Variants in HYCC2 observed in about 807,000 individuals in gnomAD.
HYCC2 encodes the protein hyccin PI4KA lipid kinase complex subunit 2.
chr2:201,018,317 A>G, the HYCC2 span, among the ~76,000 whole-genome samples: 1 of 152,172 alleles, frequency 6.6e-6, no homozygotes, highest in African/African-American at 2.4e-5. Flanking sequence ...TTGACAAGAA[A>G]CTATAAAGTA....
chr2:201,009,768 T>C, the HYCC2 span, among the ~76,000 whole-genome samples: 1 of 151,694 alleles, frequency 6.6e-6, no homozygotes, highest in South Asian at 2.1e-4. Context: ...CCCAAATGTC[T>C]CTTTAATACT....
At chr2:200,985,461 G>C in the HYCC2 span, among the ~76,000 whole-genome samples, 6 of 152,166 alleles carry the variant, frequency 3.9e-5, no homozygotes, top group Admixed American at 3.9e-4. Context: ...AGGAGTTTGA[G>C]ACCAGCCTAG....
At chr2:200,986,654 C>T in the HYCC2 span, among the ~76,000 whole-genome samples, 1 of 152,112 alleles carries the variant, frequency 6.6e-6, no homozygotes, top group African/African-American at 2.4e-5. Flanking sequence ...GATATCTGAC[C>T]TCTAAATAGA....
the HYCC2 span, among the ~76,000 whole-genome samples, chr2:201,030,102 A>G: frequency 6.6e-6 from 1 of 151,986 alleles, no homozygotes; most frequent in Non-Finnish European, 1.5e-5. Context: ...CAAAAACAAA[A>G]AGTCCGGAAA....
chr2:200,997,419 A>C, the HYCC2 span: 1 of 1,412,086 alleles, frequency 7.1e-7, no homozygotes, highest in African/African-American at 1.4e-5. Flanking sequence ...ATAAATATGA[A>C]GATTAGTAAT....
chr2:201,000,529 C>G, the HYCC2 span, among the ~76,000 whole-genome samples: 1 of 152,278 alleles, frequency 6.6e-6, no homozygotes, highest in African/African-American at 2.4e-5. Context: ...CCATATCACT[C>G]TTTATACCCA....
At chr2:200,985,225 C>T in the HYCC2 span, among the ~76,000 whole-genome samples, 1 of 152,168 alleles carries the variant, frequency 6.6e-6, no homozygotes, top group South Asian at 2.1e-4. Flanking sequence ...GAGGAGACAT[C>T]TGAAATGGAA....
the HYCC2 span, among the ~76,000 whole-genome samples, chr2:201,019,475 A>G: frequency 6.6e-6 from 1 of 152,178 alleles, no homozygotes; most frequent in African/African-American, 2.4e-5. Flanking sequence ...CTCGCTGGTC[A>G]GGTGTGGTAG....
the HYCC2 span, among the ~76,000 whole-genome samples, chr2:201,000,131 G>A: frequency 1.3e-5 from 2 of 151,518 alleles, no homozygotes; most frequent in South Asian, 4.2e-4. Flanking sequence ...CAGCACTTTG[G>A]GAGGCTGAGG....
the HYCC2 span, among the ~76,000 whole-genome samples, chr2:201,053,968 A>G: frequency 6.6e-6 from 1 of 152,162 alleles, no homozygotes; most frequent in Non-Finnish European, 1.5e-5. Context: ...CATCTCAAAA[A>G]CAAACAAACA....
the HYCC2 span, among the ~76,000 whole-genome samples, chr2:201,003,804 GCTT>G: frequency 2.6e-5 from 3 of 116,858 alleles, no homozygotes; most frequent in Non-Finnish European, 5.3e-5. Context: ...TGTTGTTGTT[GCTT>G]TTTTTTTTTT....
the HYCC2 span, among the ~76,000 whole-genome samples, chr2:201,058,395 G>C: frequency 1.3e-5 from 2 of 152,218 alleles, no homozygotes; most frequent in Non-Finnish European, 2.9e-5. Flanking sequence ...TAATATTTTT[G>C]TGATTTGGTC....
the HYCC2 span, among the ~76,000 whole-genome samples, chr2:201,014,507 C>T: frequency 6.6e-6 from 1 of 152,140 alleles, no homozygotes; most frequent in Non-Finnish European, 1.5e-5. Context: ...TTTAGTCCTA[C>T]TAACAATGTT....
chr2:201,043,289 T>A, the HYCC2 span, among the ~76,000 whole-genome samples: 1 of 152,016 alleles, frequency 6.6e-6, no homozygotes, highest in Admixed American at 6.5e-5. Context: ...ACACAAACAC[T>A]GCGGAAGGTG....
chr2:201,021,994 C>T, the HYCC2 span: 1 of 999,212 alleles, frequency 1.0e-6, no homozygotes, highest in South Asian at 1.3e-5. Flanking sequence ...AATAAGCAAG[C>T]TTTTAGTGGT....
the HYCC2 span, among the ~76,000 whole-genome samples, chr2:200,993,549 AT>A: frequency 1.3e-5 from 2 of 152,348 alleles, no homozygotes; most frequent in South Asian, 4.1e-4. Flanking sequence ...TAATCAATTA[AT>A]TTAGTAAGAT....
the HYCC2 span, among the ~76,000 whole-genome samples, chr2:201,042,516 T>C: frequency 9.9e-5 from 14 of 141,498 alleles, no homozygotes; most frequent in Non-Finnish European, 4.6e-5. Flanking sequence ...CTGAGGAGTG[T>C]CTCTGCCCCG....
chr2:201,029,808 A>G, the HYCC2 span, among the ~76,000 whole-genome samples: 1 of 152,194 alleles, frequency 6.6e-6, no homozygotes, highest in African/African-American at 2.4e-5. Context: ...AAGGATAGCC[A>G]TTAGGAGAAA....
chr2:201,040,950 C>T, the HYCC2 span, among the ~76,000 whole-genome samples: 1 of 152,058 alleles, frequency 6.6e-6, no homozygotes, highest in Non-Finnish European at 1.5e-5. Flanking sequence ...GATCACAAAC[C>T]CTGGAGCAAG....
Sources: gnomAD v4.1 joint callset for allele counts (sites outside exome capture counted in the v4.1 genomes callset) on GRCh38, gnomAD v4.1.1 for gene constraint, MANE v1.5 for transcripts, NCBI Gene and HGNC (gene_info 2026-07-23, HGNC 2026-07-21) for gene names.